The following EEA1 variants were observed in gnomAD, a reference collection of about 807,000 sequenced individuals.
The protein encoded by EEA1 is early endosome antigen 1, 162kD.
A neutral mutation model predicts 209.2 loss-of-function variants in EEA1; 111 were observed. That is an observed-to-expected ratio of 0.53 (90% CI 0.45 to 0.62). The LOEUF (loss-of-function observed/expected upper bound fraction) is 0.62. Among genes scored for constraint, EEA1 ranks in the 20% least tolerant of loss-of-function variants. EEA1 has a pLI of 0.00. For missense variants in EEA1, 1,343 were observed against 1,530.8 expected, an observed-to-expected ratio of 0.88 and a Z score of 2.05; for synonymous variants, 536 against 540.6, an observed-to-expected ratio of 0.99 and a Z score of 0.12.
At chr12:92,799,140 G>C in intron 20 of EEA1, 54 bp from the exon 21 acceptor site, 1 of 1,412,340 alleles carries the variant, frequency 7.1e-7, no homozygotes, top group South Asian at 1.6e-5. Context: ...AAAAGACGAT[G>C]TACTGAGTAA....
At chr12:92,895,975 CT>C (rs910254277) in intron 1 of EEA1, among the ~76,000 whole-genome samples, 159 of 143,188 alleles carry the variant, frequency 1.1e-3, no homozygotes, top group Middle Eastern at 3.6e-3. Flanking sequence ...TGATAATTTT[CT>C]TTTTTTTTTT....
chr12:92,878,593 A>G (rs942055763), intron 2 of EEA1, among the ~76,000 whole-genome samples: 11 of 152,196 alleles, frequency 7.2e-5, no homozygotes, highest in African/African-American at 2.7e-4. Flanking sequence ...TTAAGAATCT[A>G]GAAAAAAGAT....
At chr12:92,887,116 C>T (rs1174551291) in intron 2 of EEA1, among the ~76,000 whole-genome samples, 1 of 151,934 alleles carries the variant, frequency 6.6e-6, no homozygotes, top group Non-Finnish European at 1.5e-5. Context: ...AGGTATTCTC[C>T]ATAGCTGAGG....
intron 1 of EEA1, among the ~76,000 whole-genome samples, chr12:92,920,753 C>G (rs1880951813): frequency 6.6e-6 from 1 of 151,492 alleles, no homozygotes; most frequent in Non-Finnish European, 1.5e-5. Context: ...CAAATGGGAT[C>G]TAATTAAACT....
intron 2 of EEA1, among the ~76,000 whole-genome samples, chr12:92,872,725 G>A (rs887164119): frequency 1.3e-5 from 2 of 152,182 alleles, no homozygotes; most frequent in African/African-American, 4.8e-5. Flanking sequence ...GGCCAAGGCA[G>A]GCAGATCACT....
At chr12:92,811,895 T>C (rs1235046507) in intron 16 of EEA1, among the ~76,000 whole-genome samples, 2 of 152,064 alleles carry the variant, frequency 1.3e-5, no homozygotes, top group African/African-American at 4.8e-5. Flanking sequence ...TACTAGTAAA[T>C]CTACTATGTA....
chr12:92,876,066 T>C (rs1878864695), intron 2 of EEA1, among the ~76,000 whole-genome samples: 1 of 152,110 alleles, frequency 6.6e-6, no homozygotes, highest in Non-Finnish European at 1.5e-5. Flanking sequence ...TCTAACTTGA[T>C]ACATTTTTTA....
rs3064991 is a variant in EEA1, at chr12:92,884,960, A to ATTTTTT, written c.117+6663_117+6668dup. The stretch of plus-strand genomic sequence containing the variant: ...ATTCCAACAAAGGGTTTCAATGTAG[A>ATTTTTT]TTTTTTTTTTTTTTTGCAAACATGC... On this transcript the variant is annotated intron_variant, in intron 2 of 28. Transcript: ENST00000322349. 1.1e-4 allele frequency among the ~76,000 whole-genome samples: 16 copies of ATTTTTT among 144,728 alleles called. No individual in the cohort carries two copies. In the South Asian group the frequency reaches 3.1e-3, roughly 28 times the overall value. 94.9% of individuals were successfully genotyped at this position (144,728 alleles called of 152,430 possible).
At chr12:92,903,767 A>C (rs1336269316) in intron 1 of EEA1, among the ~76,000 whole-genome samples, 1 of 152,198 alleles carries the variant, frequency 6.6e-6, no homozygotes. Flanking sequence ...TTACATAAAA[A>C]TACATACACA....
chr12:92,858,766 A>G, intron 3 of EEA1: 1 of 770,914 alleles, frequency 1.3e-6, no homozygotes. Context: ...GAAAGTCATC[A>G]AAGCCATTGT....
rs77948085 is a variant in EEA1 at position 92,876,737 on chromosome 12, T to C, written c.118-11750A>G. Among the ~76,000 whole-genome samples, 153 of 148,120 alleles carry C rather than the reference T, an allele frequency of 1.0e-3. 1 individual carries two copies. In the East Asian group the frequency reaches 0.029, roughly 28 times the overall value. ...CAAGAAAAGAAAAAACTTGGCACAC[T>C]ATAAAAACAGAGAATTCGATATGCC... On this transcript the variant is annotated intron_variant, in intron 2 of 28. Transcript: ENST00000322349.
Position 92,830,926 on chromosome 12 carries a change from T to C in EEA1, c.1254+1586A>G, listed in dbSNP as rs183855680. 1.8e-3 allele frequency among the ~76,000 whole-genome samples: 276 copies of C among 152,256 alleles called. 2 individuals are homozygous for C. The highest frequency in any genetic ancestry group is 6.8e-3 in the Middle Eastern group (2 of 294). On this transcript the variant is annotated intron_variant, in intron 11 of 28. Coordinates refer to ENST00000322349, the MANE Select transcript of EEA1 (RefSeq NM_003566.4). ...ATCAGTTAACGGTTGTTACAGTGGT[T>C]TAAGAGTGAGACAAGGAGGACAGGG... is the stretch of plus-strand genomic sequence containing the variant.
intron 2 of EEA1, chr12:92,883,631 C>A: frequency 1.9e-6 from 1 of 531,608 alleles, no homozygotes; most frequent in Non-Finnish European, 3.2e-6. Flanking sequence ...CTGCATAAGC[C>A]ACATGATTTT....
At chr12:92,825,481 T>G (rs1876254028) in intron 13 of EEA1, among the ~76,000 whole-genome samples, 1 of 151,208 alleles carries the variant, frequency 6.6e-6, no homozygotes. Context: ...AAAGAATGAA[T>G]TAAAAAATAT....
At chr12:92,791,768 C>A (rs1874415612) in intron 21 of EEA1, among the ~76,000 whole-genome samples, 1 of 152,176 alleles carries the variant, frequency 6.6e-6, no homozygotes, top group African/African-American at 2.4e-5. Flanking sequence ...CTGCAACAAG[C>A]AGACCTAACA....
At chr12:92,922,315 T>C (rs939561539) in intron 1 of EEA1, among the ~76,000 whole-genome samples, 7 of 152,192 alleles carry the variant, frequency 4.6e-5, no homozygotes, top group African/African-American at 1.7e-4. Context: ...TACTCACAAG[T>C]CAACAAGTTC....
At chr12:92,805,529 G>T (rs1042733870) in intron 18 of EEA1, among the ~76,000 whole-genome samples, 2 of 152,288 alleles carry the variant, frequency 1.3e-5, no homozygotes, top group Non-Finnish European at 2.9e-5. Context: ...CATCAACTCA[G>T]TCAGAGCAGG....
Position 92,802,643 on chromosome 12 carries a change from T to C in EEA1, c.2431A>G (p.Ile811Val). ...AAAGTTTCAAAATCTTGTTTCAGGA[T>C]TTTTTTTTCTTCCTCTTGCTTGGTA... ...KLTKQEEEKK[I>V]LKQDFETLSQ... is the part of the protein sequence containing the mutation. Residue 811 changes from isoleucine to valine, a missense_variant, in exon 19 of 29, where the codon ATC becomes GTC. Coordinates refer to ENST00000322349, the MANE Select transcript of EEA1 (RefSeq NM_003566.4). 5.6e-6 allele frequency: 9 copies of C among 1,603,190 alleles called. 1 individual carries two copies. Among genetic ancestry groups the C allele is most frequent in the Non-Finnish European group, 6.8e-6 (8 of 1,176,632 alleles).
intron 1 of EEA1, among the ~76,000 whole-genome samples, chr12:92,905,230 C>G (rs1880325943): frequency 6.6e-6 from 1 of 152,090 alleles, no homozygotes; most frequent in Non-Finnish European, 1.5e-5. Flanking sequence ...ATATATATTT[C>G]TTATTATAAC....
Sources: gnomAD v4.1 joint callset for allele counts (sites outside exome capture counted in the v4.1 genomes callset) on GRCh38, gnomAD v4.1.1 for gene constraint, MANE v1.5 for transcripts, NCBI Gene and HGNC (gene_info 2026-07-23, HGNC 2026-07-21) for gene names.